The following TASP1 variants were observed in gnomAD, a reference collection of about 807,000 sequenced individuals.
TASP1 encodes the protein threonine aspartase 1.
A neutral mutation model predicts 56.6 loss-of-function variants in TASP1; 16 were observed. The ratio of observed to expected loss-of-function variants is 0.28; its 90% CI spans 0.19 to 0.43. The LOEUF (loss-of-function observed/expected upper bound fraction) is 0.43. Among genes scored for constraint, TASP1 ranks in the 20% least tolerant of loss-of-function variants. The pLI, the probability that TASP1 is intolerant of heterozygous loss-of-function variation, is 1.00. For missense variants in TASP1, 393 were observed against 511.6 expected, an observed-to-expected ratio of 0.77 and a Z score of 2.24; for synonymous variants, 179 against 184.2, an observed-to-expected ratio of 0.97 and a Z score of 0.23.
intron 13 of TASP1, among the ~76,000 whole-genome samples, chr20:13,394,249 C>CCAGTGCAGTGAGCCAACCTCT (rs2041419924): frequency 7.1e-6 from 1 of 141,578 alleles, no homozygotes; most frequent in African/African-American, 2.9e-5. Context: ...TCACTGCACT[C>CCAGTGCAGTGAGCCAACCTCT]CACTGCACTC....
chr20:13,487,776 T>G (rs1377856532), intron 10 of TASP1, among the ~76,000 whole-genome samples: 1 of 152,032 alleles, frequency 6.6e-6, no homozygotes, highest in Non-Finnish European at 1.5e-5. Flanking sequence ...GAAGTGAAAA[T>G]AATTGGACAG....
chr20:13,129,119 G>A, the TASP1 span, among the ~76,000 whole-genome samples: 1 of 151,836 alleles, frequency 6.6e-6, no homozygotes, highest in Non-Finnish European at 1.5e-5. Flanking sequence ...TGCCTGCCTC[G>A]GCCTCCCAAA....
chr20:13,358,833 C>T, the TASP1 span, among the ~76,000 whole-genome samples: 1 of 150,682 alleles, frequency 6.6e-6, no homozygotes, highest in Non-Finnish European at 1.5e-5. Flanking sequence ...GTCCTTCACC[C>T]TTAGCGGCAA....
intron 13 of TASP1, among the ~76,000 whole-genome samples, chr20:13,411,776 C>T (rs1422156232): frequency 6.6e-6 from 1 of 152,168 alleles, no homozygotes; most frequent in Non-Finnish European, 1.5e-5. Flanking sequence ...GTCAGCTTTC[C>T]ATGTTGCTAA....
At chr20:13,208,088 C>G in the TASP1 span, among the ~76,000 whole-genome samples, 1 of 152,182 alleles carries the variant, frequency 6.6e-6, no homozygotes. Context: ...CATGCAGTCT[C>G]TCACTACGAT....
At chr20:13,189,807 C>T in the TASP1 span, among the ~76,000 whole-genome samples, 1 of 152,030 alleles carries the variant, frequency 6.6e-6, no homozygotes, top group African/African-American at 2.4e-5. Flanking sequence ...TAGATAGGAA[C>T]CCAAAGGAAA....
At position 13,405,497 on chromosome 20, in the gene TASP1, G is replaced by A. The variant is rs556281651; in HGVS notation, c.1170+11951C>T. Among the ~76,000 whole-genome samples the A allele has an allele frequency of 3.3e-5, 5 of 152,178 alleles. No individual in the cohort carries two copies. The South Asian group carries it at 1.0e-3, about 32-fold the overall frequency. ...ACGACAAACAGCATCCACACTGCTG[G>A]TGATTATTCTGGCCCTCCACATTGA... On this transcript the variant is annotated intron_variant, in intron 13 of 13. Transcript: ENST00000337743.
rs576377187 is a variant in TASP1 at position 13,436,804 on chromosome 20, G to C, written c.986-1650C>G. ...ACTTGAGAGACACCCCCAAGAAAAC[G>C]TGTCCTCGACTTAGGGTAAGAGCTT... On this transcript the variant is annotated intron_variant, in intron 11 of 13. Transcript: ENST00000337743. Among the ~76,000 whole-genome samples the C allele has an allele frequency of 1.8e-4, 27 of 152,154 alleles. No homozygotes were observed. The East Asian group carries it at 2.9e-3, about 16-fold the overall frequency.
At chr20:13,589,665 A>G (rs973434682) in intron 4 of TASP1, among the ~76,000 whole-genome samples, 6 of 152,080 alleles carry the variant, frequency 3.9e-5, no homozygotes, top group African/African-American at 1.4e-4. Context: ...AAATAGGGGG[A>G]AAAAAACACA....
intron 11 of TASP1, among the ~76,000 whole-genome samples, chr20:13,462,685 T>C (rs1400795369): frequency 2.0e-5 from 3 of 152,152 alleles, no homozygotes; most frequent in Non-Finnish European, 4.4e-5. Context: ...TGGAAATTAA[T>C]GCATGCTTGT....
chr20:13,545,454 G>C (rs924971417), intron 8 of TASP1, among the ~76,000 whole-genome samples: 3 of 152,092 alleles, frequency 2.0e-5, no homozygotes, highest in Admixed American at 2.0e-4. Flanking sequence ...TCAGAAGTAC[G>C]ATAATACAAA....
At position 13,576,358 on chromosome 20, in the gene TASP1, A is replaced by G. The variant is rs141223894; in HGVS notation, c.488+4539T>C. 2.2e-3 allele frequency among the ~76,000 whole-genome samples: 253 copies of G among 115,862 alleles called. 1 individual carries two copies. Among genetic ancestry groups the G allele is most frequent in the African/African-American group, 8.0e-3 (239 of 29,980 alleles). 76.0% of individuals were successfully genotyped at this position (115,862 alleles called of 152,430 possible). On this transcript the variant is annotated intron_variant, in intron 6 of 13. Transcript: ENST00000337743. ...GAAAGAAAGGAAGAAAGAAAGAAAG[A>G]AAGAAAGAAAGAAAGAAAGAAAGAA...
At chr20:13,342,264 T>C in the TASP1 span, among the ~76,000 whole-genome samples, 1 of 152,228 alleles carries the variant, frequency 6.6e-6, no homozygotes. Context: ...AGGGCGCATA[T>C]CGCAGGCCTG....
the TASP1 span, among the ~76,000 whole-genome samples, chr20:13,380,985 C>G: frequency 6.6e-6 from 1 of 152,218 alleles, no homozygotes; most frequent in Non-Finnish European, 1.5e-5. Flanking sequence ...GTGAGAATTT[C>G]AAACCAGTGG....
rs551185788 is a variant in TASP1, at chr20:13,523,391, C to T, written c.874+5042G>A. 4.6e-5 allele frequency among the ~76,000 whole-genome samples: 7 copies of T among 152,288 alleles called. No individual in the cohort carries two copies. The East Asian group carries it at 1.4e-3, about 29-fold the overall frequency. On this transcript the variant is annotated intron_variant, in intron 10 of 13. Coordinates refer to ENST00000337743, the MANE Select transcript of TASP1 (RefSeq NM_017714.3). The stretch of plus-strand genomic sequence containing the variant: ...TGTCAATATCTCAGCAGTAGTCTCC[C>T]ATTGGCTCCTGCTGTCACATAACCC...
At chr20:13,156,379 G>T in the TASP1 span, among the ~76,000 whole-genome samples, 2 of 152,170 alleles carry the variant, frequency 1.3e-5, no homozygotes, top group African/African-American at 2.4e-5. Flanking sequence ...GTAACTTCAA[G>T]AATTCACACA....
chr20:13,329,101 T>A, the TASP1 span, among the ~76,000 whole-genome samples: 10 of 152,298 alleles, frequency 6.6e-5, no homozygotes, highest in South Asian at 6.2e-4. Flanking sequence ...CATGTTATAT[T>A]GGATTTGTAA....
chr20:13,151,379 C>T, the TASP1 span, among the ~76,000 whole-genome samples: 2 of 152,174 alleles, frequency 1.3e-5, no homozygotes, highest in African/African-American at 4.8e-5. Context: ...AAGTGGACTG[C>T]CTTTGGGTCA....
chr20:13,338,647 A>G, the TASP1 span, among the ~76,000 whole-genome samples: 1 of 152,222 alleles, frequency 6.6e-6, no homozygotes, highest in African/African-American at 2.4e-5. Flanking sequence ...TTCATGCTAA[A>G]GATGTTTTGA....
Sources: allele counts gnomAD v4.1 joint callset (sites outside exome capture counted in the v4.1 genomes callset), GRCh38; gene constraint gnomAD v4.1.1; transcripts MANE v1.5; gene names NCBI Gene and HGNC (gene_info 2026-07-23, HGNC 2026-07-21).